Variants in TAFA2 observed in about 807,000 individuals in gnomAD.
TAFA2 encodes the protein chemokine-like protein TAFA-2.
TAFA2 carries 7 observed loss-of-function variants against 18.8 expected under a neutral mutation model. The observed-to-expected ratio is 0.37, with a 90% CI of 0.21 to 0.70. TAFA2 has a LOEUF of 0.70. Among genes scored for constraint, TAFA2 ranks in the 30% least tolerant of loss-of-function variants. TAFA2 has a pLI of 0.53. For synonymous variants in TAFA2, 60 were observed against 54.2 expected, an observed-to-expected ratio of 1.11 and a Z score of -0.47; for missense variants, 122 against 158.1, an observed-to-expected ratio of 0.77 and a Z score of 1.23.
intron 4 of TAFA2, among the ~76,000 whole-genome samples, chr12:61,738,455 A>G (rs1868346172): frequency 1.3e-5 from 2 of 152,064 alleles, no homozygotes; most frequent in Admixed American, 1.3e-4. Flanking sequence ...TAGAAATACT[A>G]GTTGAATAAA....
chr12:62,249,218 T>G (rs1182116845), intron 1 of TAFA2, among the ~76,000 whole-genome samples: 4 of 151,582 alleles, frequency 2.6e-5, no homozygotes, highest in Non-Finnish European at 5.9e-5. Flanking sequence ...GATAGACTGT[T>G]ATTTTTTAAA....
In TAFA2 at chr12:61,721,640, TTATAGA is replaced by T. The variant is rs1415819736; in HGVS notation, c.385-11229_385-11224del. 3.3e-5 allele frequency among the ~76,000 whole-genome samples: 5 copies of T among 152,210 alleles called. 1 individual carries two copies. In the South Asian group the frequency reaches 1.0e-3, roughly 32 times the overall value. ...TATTTCAGTTGTAACTTATGATATTTTATAGATATAGATAGATGTTTAAAAGTTTTA... is the reference window on the plus strand; with the variant it reads ...TATTTCAGTTGTAACTTATGATATTTTATAGATAGATGTTTAAAAGTTTTA... On this transcript the variant is annotated intron_variant, in intron 4 of 4. Coordinates refer to ENST00000416284, the MANE Select transcript of TAFA2 (RefSeq NM_178539.5).
chr12:61,954,737 A>G (rs926806184), intron 1 of TAFA2, among the ~76,000 whole-genome samples: 1 of 152,106 alleles, frequency 6.6e-6, no homozygotes, highest in African/African-American at 2.4e-5. Context: ...ATTCAATCTC[A>G]ATTTGGTGCA....
chr12:61,733,129 T>G (rs564561647), intron 4 of TAFA2, among the ~76,000 whole-genome samples: 1 of 152,272 alleles, frequency 6.6e-6, no homozygotes, highest in Non-Finnish European at 1.5e-5. Context: ...GTTTGTTTTT[T>G]TCTTGTAAAT....
intron 1 of TAFA2, among the ~76,000 whole-genome samples, chr12:62,111,081 G>T (rs1231494864): frequency 6.6e-6 from 1 of 152,026 alleles, no homozygotes; most frequent in Admixed American, 6.6e-5. Flanking sequence ...TGATGTTAGG[G>T]TGTTGATTTT....
At chr12:61,793,900 T>A (rs1365590172) in intron 2 of TAFA2, among the ~76,000 whole-genome samples, 1 of 151,770 alleles carries the variant, frequency 6.6e-6, no homozygotes, top group Non-Finnish European at 1.5e-5. Context: ...CAAGTTGGGG[T>A]TTACTAGTTT....
chr12:61,917,306 T>C (rs941350437), intron 1 of TAFA2, among the ~76,000 whole-genome samples: 11 of 152,210 alleles, frequency 7.2e-5, no homozygotes, highest in African/African-American at 2.7e-4. Context: ...AAGACATATA[T>C]AAAATAATTT....
chr12:61,762,130 T>C (rs1272335226), intron 2 of TAFA2, among the ~76,000 whole-genome samples: 1 of 152,102 alleles, frequency 6.6e-6, no homozygotes, highest in Non-Finnish European at 1.5e-5. Flanking sequence ...TGTAGAACCA[T>C]GAGCCAATTA....
intron 1 of TAFA2, among the ~76,000 whole-genome samples, chr12:61,952,229 C>T (rs936159126): frequency 2.6e-5 from 4 of 152,088 alleles, no homozygotes; most frequent in African/African-American, 4.8e-5. Flanking sequence ...ACACCACAGA[C>T]TCTCTGATGT....
chr12:62,150,960 C>T (rs1207061041), intron 1 of TAFA2, among the ~76,000 whole-genome samples: 1 of 150,220 alleles, frequency 6.7e-6, no homozygotes, highest in East Asian at 1.9e-4. Flanking sequence ...CATTCCTAGA[C>T]TGAAATAGGC....
intron 4 of TAFA2, among the ~76,000 whole-genome samples, chr12:61,732,732 T>C (rs564499404): frequency 8.9e-6 from 1 of 111,744 alleles, no homozygotes; most frequent in East Asian, 2.7e-4. Flanking sequence ...CAAGTGATTT[T>C]TTGTGTGTGT....
intron 1 of TAFA2, among the ~76,000 whole-genome samples, chr12:61,983,370 TCCCTGGGATTCTG>T (rs560818164): frequency 6.6e-6 from 1 of 150,684 alleles, no homozygotes; most frequent in East Asian, 2.0e-4. Flanking sequence ...AGGTGCTAGG[TCCCTGGGATTCTG>T]TTTGTTTTGT....
chr12:62,106,630 C>A (rs902534845), intron 1 of TAFA2, among the ~76,000 whole-genome samples: 1 of 152,150 alleles, frequency 6.6e-6, no homozygotes. Context: ...GACACTGTGG[C>A]CTGCTTGATG....
intron 1 of TAFA2, among the ~76,000 whole-genome samples, chr12:62,012,869 T>C (rs372829564): frequency 5.9e-5 from 9 of 152,276 alleles, no homozygotes; most frequent in African/African-American, 1.9e-4. Flanking sequence ...TGGAGGGAAA[T>C]GTAGTTTGCA....
rs778530008 is a variant in TAFA2 at position 61,961,757 on chromosome 12, GTGTT to G, written c.-1-94335_-1-94332del. Among the ~76,000 whole-genome samples the G allele has an allele frequency of 2.6e-5, 4 of 152,056 alleles. No homozygotes were observed. In the South Asian group the frequency reaches 8.3e-4, roughly 32 times the overall value. On this transcript the variant is annotated intron_variant, in intron 1 of 4. Transcript: ENST00000416284. ...CAAGTTCTCCATGTGATTGGTTCTTGTGTTTGTTTGTTTGTCCGGAGGGTAACAT... is the reference window on the plus strand; with the variant it reads ...CAAGTTCTCCATGTGATTGGTTCTTGTGTTTGTTTGTCCGGAGGGTAACAT...
chr12:62,218,804 T>G (rs2062748161), intron 1 of TAFA2, among the ~76,000 whole-genome samples: 1 of 152,094 alleles, frequency 6.6e-6, no homozygotes, highest in Non-Finnish European at 1.5e-5. Context: ...ATAATCAGAG[T>G]AGATATCTAA....
chr12:62,259,200 T>C (rs937149820), upstream of TAFA2, among the ~76,000 whole-genome samples: 3 of 152,210 alleles, frequency 2.0e-5, no homozygotes, highest in African/African-American at 7.2e-5. Context: ...TTTAGACTTT[T>C]CACATCAATA....
chr12:61,723,141 G>A (rs1244167723), intron 4 of TAFA2, among the ~76,000 whole-genome samples: 3 of 152,014 alleles, frequency 2.0e-5, no homozygotes, highest in Non-Finnish European at 4.4e-5. Flanking sequence ...TCAAATCCCA[G>A]AAGAAATGTG....
At chr12:61,849,040 C>T (rs1410339984) in intron 2 of TAFA2, among the ~76,000 whole-genome samples, 1 of 152,036 alleles carries the variant, frequency 6.6e-6, no homozygotes, top group Non-Finnish European at 1.5e-5. Context: ...GACAGGGTTT[C>T]ACCATGTTGG....
Sources: allele counts gnomAD v4.1 joint callset (sites outside exome capture counted in the v4.1 genomes callset), GRCh38; gene constraint gnomAD v4.1.1; transcripts MANE v1.5; gene names NCBI Gene and HGNC (gene_info 2026-07-23, HGNC 2026-07-21).